The following NRXN3 variants were observed in gnomAD, a reference collection of about 807,000 sequenced individuals.
NRXN3 encodes neurexin 3, also known as neurexin III.
NRXN3 carries 32 observed loss-of-function variants against 137.6 expected under a neutral mutation model. The observed-to-expected ratio is 0.23, with a 90% CI of 0.18 to 0.31. The LOEUF (loss-of-function observed/expected upper bound fraction) is 0.31. NRXN3 is among the 10% of genes least tolerant of loss of function. The pLI, the probability that NRXN3 is intolerant of heterozygous loss-of-function variation, is 1.00. For synonymous variants in NRXN3, 798 were observed against 784.5 expected (o/e 1.02, Z -0.29); for missense variants, 1,574 against 2,062.5 (o/e 0.76, Z 4.59).
intron 15 of NRXN3, among the ~76,000 whole-genome samples, chr14:79,365,694 C>G (rs1252291294): frequency 8.4e-5 from 11 of 130,654 alleles, no homozygotes; most frequent in Admixed American, 7.6e-4. Flanking sequence ...AGTCCGCAGT[C>G]CGGCCTGGGC....
chr14:79,005,884 C>A (rs1055667635), intron 15 of NRXN3, among the ~76,000 whole-genome samples: 1 of 151,982 alleles, frequency 6.6e-6, no homozygotes, highest in African/African-American at 2.4e-5. Context: ...TACTCTCTTT[C>A]CTTTCTTTCA....
chr14:79,461,799 A>G (rs949006887), intron 15 of NRXN3, among the ~76,000 whole-genome samples: 1 of 152,236 alleles, frequency 6.6e-6, no homozygotes, highest in Non-Finnish European at 1.5e-5. Flanking sequence ...GTAAAAAAAC[A>G]CGAATGTGGA....
chr14:78,699,102 A>G (rs942778496), intron 6 of NRXN3, among the ~76,000 whole-genome samples: 3 of 152,030 alleles, frequency 2.0e-5, no homozygotes, highest in African/African-American at 7.2e-5. Context: ...CTCCTGGTCT[A>G]CTGGAAGAAA....
intron 15 of NRXN3, among the ~76,000 whole-genome samples, chr14:79,278,009 A>G (rs2153436346): frequency 6.6e-6 from 1 of 152,318 alleles, no homozygotes. Context: ...TTAGAGAGAC[A>G]TAATGCTGTT....
intron 15 of NRXN3, among the ~76,000 whole-genome samples, chr14:79,243,439 TTAC>T (rs2074625962): frequency 6.6e-6 from 1 of 152,144 alleles, no homozygotes; most frequent in South Asian, 2.1e-4. Context: ...TTTTGAGCAT[TTAC>T]TATGTGTTGA....
intron 15 of NRXN3, among the ~76,000 whole-genome samples, chr14:79,326,723 A>G (rs2090930506): frequency 6.6e-6 from 1 of 152,254 alleles, no homozygotes. Context: ...AGAAAGCCAC[A>G]TAACATTGTC....
At chr14:78,880,239 CAAAAAAAA>C (rs59348965) in intron 10 of NRXN3, among the ~76,000 whole-genome samples, 2 of 45,274 alleles carry the variant, frequency 4.4e-5, no homozygotes, top group East Asian at 9.4e-4. Context: ...GACTCCGTCT[CAAAAAAAA>C]AAAAAAAAAA....
In NRXN3 at chr14:79,523,439, G is replaced by A. The variant is rs2097089034; in HGVS notation, c.3444+56037G>A. Among the ~76,000 whole-genome samples, 4 of 152,220 alleles carry A rather than the reference G, an allele frequency of 2.6e-5. No homozygotes were observed. The South Asian group carries it at 8.3e-4, about 32-fold the overall frequency. On this transcript the variant is annotated intron_variant, in intron 16 of 20. Coordinates refer to ENST00000335750, the MANE Select transcript of NRXN3 (RefSeq NM_001330195.2). Reference sequence around the variant, plus strand: ...GTTAATTGATTCTGTCCACCATGCTGTCTAACAGCCAATTCCCTGAAAATG... The same window carrying A: ...GTTAATTGATTCTGTCCACCATGCTATCTAACAGCCAATTCCCTGAAAATG...
intron 1 of NRXN3, among the ~76,000 whole-genome samples, chr14:78,174,357 T>C (rs780212494): frequency 2.0e-5 from 3 of 152,136 alleles, no homozygotes; most frequent in Non-Finnish European, 4.4e-5. Context: ...ATCAGTGGGC[T>C]GTGTCGAACC....
At chr14:78,597,755 C>T (rs947064647) in intron 4 of NRXN3, among the ~76,000 whole-genome samples, 1 of 152,172 alleles carries the variant, frequency 6.6e-6, no homozygotes, top group Non-Finnish European at 1.5e-5. Context: ...CACCTACCAC[C>T]CAGCTCTGTA....
At chr14:79,762,287 T>C (rs976319044) in intron 19 of NRXN3, among the ~76,000 whole-genome samples, 1 of 151,688 alleles carries the variant, frequency 6.6e-6, no homozygotes, top group African/African-American at 2.4e-5. Flanking sequence ...CAATAAGTGA[T>C]TGAATTAGTT....
chr14:78,398,214 C>A (rs1400078865), intron 4 of NRXN3, among the ~76,000 whole-genome samples: 5 of 128,204 alleles, frequency 3.9e-5, no homozygotes, highest in African/African-American at 1.2e-4. Context: ...AACTCTGTTT[C>A]AAAAAAAAAA....
intron 15 of NRXN3, among the ~76,000 whole-genome samples, chr14:78,990,789 T>C (rs1166010275): frequency 6.6e-6 from 1 of 152,198 alleles, no homozygotes; most frequent in East Asian, 1.9e-4. Flanking sequence ...AATTATTACA[T>C]TGGACGTTTC....
chr14:78,196,683 C>G (rs1203955268), intron 1 of NRXN3, among the ~76,000 whole-genome samples: 1 of 152,134 alleles, frequency 6.6e-6, no homozygotes, highest in East Asian at 1.9e-4. Flanking sequence ...AAGGTCCTGT[C>G]TTTATGAAGC....
chr14:79,626,339 C>T (rs1396363421), intron 16 of NRXN3, among the ~76,000 whole-genome samples: 1 of 152,008 alleles, frequency 6.6e-6, no homozygotes, highest in South Asian at 2.1e-4. Flanking sequence ...CTAGAGGTAT[C>T]TCCTGGGACC....
chr14:78,817,700 A>G (rs2098938165), intron 10 of NRXN3, among the ~76,000 whole-genome samples: 1 of 152,168 alleles, frequency 6.6e-6, no homozygotes, highest in Non-Finnish European at 1.5e-5. Context: ...ACCAAAGAAT[A>G]TAGACTCTTT....
chr14:78,270,133 G>T (rs2072479823), intron 2 of NRXN3, among the ~76,000 whole-genome samples: 1 of 152,152 alleles, frequency 6.6e-6, no homozygotes. Flanking sequence ...CAAGAGCCAG[G>T]ATTGTCATCC....
chr14:78,952,525 G>A (rs1177527195), intron 10 of NRXN3, among the ~76,000 whole-genome samples: 1 of 152,134 alleles, frequency 6.6e-6, no homozygotes, highest in Non-Finnish European at 1.5e-5. Context: ...TGAAATGCTT[G>A]TCACAGCTCA....
rs193170295 is a variant in NRXN3 at position 79,799,034 on chromosome 14, C to G, written c.4015-6078C>G. Among the ~76,000 whole-genome samples the G allele has an allele frequency of 7.3e-4, 111 of 152,084 alleles. 1 individual carries two copies. In the Middle Eastern group the frequency reaches 0.014, roughly 19 times the overall value. On this transcript the variant is annotated intron_variant, in intron 19 of 20. Transcript: ENST00000335750. The stretch of plus-strand genomic sequence containing the variant: ...CAGAGTTCTGAGCTTTCTTCTGTCC[C>G]AGCTTTATTCTAAGGTAATTTCAAT...
Sources: gnomAD v4.1 joint callset for allele counts (sites outside exome capture counted in the v4.1 genomes callset) on GRCh38, gnomAD v4.1.1 for gene constraint, MANE v1.5 for transcripts, NCBI Gene and HGNC (gene_info 2026-07-23, HGNC 2026-07-21) for gene names.